ZNF728: variants seen among roughly 807,000 people sequenced by gnomAD.
ZNF728 encodes the protein zinc finger protein 728.
ZNF728 carries 12 observed loss-of-function variants against 12.5 expected under a neutral mutation model. That is an observed-to-expected ratio of 0.96 (90% CI 0.61 to 1.55). ZNF728 has a LOEUF of 1.55. Among genes scored for constraint, ZNF728 ranks in the 40% most tolerant of loss-of-function variants. The pLI is 0.00. For missense variants in ZNF728, 692 were observed against 719.2 expected (o/e 0.96, Z 0.43); for synonymous variants, 205 against 240.7 (o/e 0.85, Z 1.37).
chr19:22,982,817 A>C lies in ZNF728; in HGVS notation c.226+4491T>G, dbSNP rs541076678. Among the ~76,000 whole-genome samples, 24 of 152,312 alleles carry C rather than the reference A, an allele frequency of 1.6e-4. No individual in the cohort carries two copies. In the East Asian group the frequency reaches 4.4e-3, roughly 28 times the overall value. ...AAAAACTGGCTAGCCATACTCAGAA[A>C]ACTGAACTGGACCCCTTCCTTATAC... On this transcript the variant is annotated intron_variant, in intron 3 of 3. Transcript: ENST00000594710.
chr19:22,987,674 T>C (rs762213692), intron 2 of ZNF728, among the ~76,000 whole-genome samples: 63 of 152,184 alleles, frequency 4.1e-4, no homozygotes, highest in Non-Finnish European at 8.5e-4. Context: ...ATTTTGAAAT[T>C]ACCATTAATC....
chr19:22,990,939 A>T (rs745930500), intron 1 of ZNF728, among the ~76,000 whole-genome samples: 67 of 152,190 alleles, frequency 4.4e-4, no homozygotes, highest in Non-Finnish European at 7.6e-4. Context: ...GTAATTCTGC[A>T]GGTATGGAAA....
chr19:22,987,778 T>C (rs1234165096), intron 2 of ZNF728, among the ~76,000 whole-genome samples: 2 of 152,214 alleles, frequency 1.3e-5, no homozygotes, highest in East Asian at 3.9e-4. Flanking sequence ...AAAATCCCTA[T>C]GATTTTCTTG....
At chr19:23,000,246 C>T (rs1233546293) in intron 1 of ZNF728, among the ~76,000 whole-genome samples, 5 of 151,854 alleles carry the variant, frequency 3.3e-5, no homozygotes, top group Admixed American at 2.6e-4. Flanking sequence ...GGTGTGGTGG[C>T]GGGCGCCTGT....
At chr19:22,985,963 C>A (rs1341957088) in intron 3 of ZNF728, 1 of 180,402 alleles carries the variant, frequency 5.5e-6, no homozygotes, top group African/African-American at 2.4e-5. Flanking sequence ...ATCTACCCTA[C>A]TGAGCAAAGT....
intron 3 of ZNF728, among the ~76,000 whole-genome samples, chr19:22,980,215 A>C (rs1242713684): frequency 1.4e-5 from 2 of 145,588 alleles, no homozygotes; most frequent in East Asian, 2.0e-4. Context: ...AAAAAAAAAA[A>C]ACAGGGGTTG....
At position 22,990,523 on chromosome 19, in the gene ZNF728, C is replaced by T. The variant is rs1014360836; in HGVS notation, c.4-2072G>A. 5.9e-5 allele frequency among the ~76,000 whole-genome samples: 9 copies of T among 152,124 alleles called. No homozygotes were observed. The South Asian group carries it at 6.2e-4, about 11-fold the overall frequency. On this transcript the variant is annotated intron_variant, in intron 1 of 3. Coordinates refer to ENST00000594710, the MANE Select transcript of ZNF728 (RefSeq NM_001267716.2). ...AATATGCTTTTCTTTATTTTGTCCT[C>T]GGGAGCCATCCCCTGACACAGGCAA...
intron 1 of ZNF728, among the ~76,000 whole-genome samples, chr19:22,994,745 T>C (rs912558231): frequency 6.6e-6 from 1 of 152,214 alleles, no homozygotes; most frequent in African/African-American, 2.4e-5. Context: ...CTACAAAAAT[T>C]GTTGATTCGG....
In ZNF728 at chr19:22,975,529, T is replaced by C; in HGVS notation, c.1808A>G (p.Gln603Arg). The change falls in exon 4 of 4, where the codon CAA becomes CGA. Residue 603 changes from glutamine (Q) to arginine (R), a missense_variant. Physicochemically the swap from Gln to Arg is conservative, Grantham distance 43. This residue lies in a region of ZNF728 where 244 missense variants were observed against 235.2 expected (regional missense o/e 1.04). Coordinates refer to ENST00000594710, the MANE Select transcript of ZNF728 (RefSeq NM_001267716.2). ...CTTATGAGTAGTAAGGTGTGAGGAT[T>C]GGTTGAAGTCTTTACCACATTCTTC... The part of the protein sequence containing the change: ...KCEECGKDFN[Q>R]SSHLTTHKRI... 6.4e-7 allele frequency: 1 copy of C among 1,570,436 alleles called. No individual in the cohort carries two copies. Among genetic ancestry groups the C allele is most frequent in the African/African-American group, 1.4e-5 (1 of 73,440 alleles).
intron 1 of ZNF728, among the ~76,000 whole-genome samples, chr19:22,999,261 CTTT>C (rs971232655): frequency 1.3e-5 from 2 of 148,964 alleles, no homozygotes; most frequent in Admixed American, 6.7e-5. Context: ...CTTTGGAATT[CTTT>C]TTTTTTTATA....
intron 1 of ZNF728, among the ~76,000 whole-genome samples, chr19:22,991,693 G>T (rs984950128): frequency 3.3e-5 from 5 of 152,138 alleles, no homozygotes; most frequent in Non-Finnish European, 5.9e-5. Flanking sequence ...CAGGATTCAT[G>T]ACTCAAAACT....
In ZNF728 at chr19:22,988,528, GAA is replaced by G. The variant is rs1360269976; in HGVS notation, c.4-79_4-78del. 9 of 1,581,930 alleles carry G rather than the reference GAA, an allele frequency of 5.7e-6. No individual in the cohort carries two copies. The East Asian group carries it at 1.8e-4, about 31-fold the overall frequency. On this transcript the variant is annotated intron_variant, in intron 1 of 3. Coordinates refer to ENST00000594710, the MANE Select transcript of ZNF728 (RefSeq NM_001267716.2). ...TTTTAATTTGACTCAAGGTAAAATG[GAA>G]AGAGTAAAAAGAGCTCATTCTGACT... is the stretch of plus-strand genomic sequence containing the variant.
chr19:22,976,708 A>T lies in ZNF728; in HGVS notation c.629T>A (p.Phe210Tyr). ...ATAAGTAAGGGCTGAGGACCAGTTAAAGGCTTTGCCATGTTCTTCACTTTT... is the reference window on the plus strand; with the variant it reads ...ATAAGTAAGGGCTGAGGACCAGTTATAGGCTTTGCCATGTTCTTCACTTTT... ...SYKSEEHGKA[F>Y]NWSSALTYKR... is the part of the protein sequence containing the mutation. The change falls in exon 4 of 4, where the codon TTT (phenylalanine) becomes TAT (tyrosine). Residue 210 changes from phenylalanine (F) to tyrosine (Y), a missense_variant. Transcript: ENST00000594710. 1 of 1,613,452 alleles carries T rather than the reference A, an allele frequency of 6.2e-7. No homozygotes were observed. Among genetic ancestry groups the T allele is most frequent in the South Asian group, 1.1e-5 (1 of 91,074 alleles).
chr19:22,975,510 A>G lies in ZNF728; in HGVS notation c.1827T>C (p.Thr609=). 6.5e-7 allele frequency: 1 copy of G among 1,549,434 alleles called. No homozygotes were observed. The highest frequency in any genetic ancestry group is 1.2e-5 in the South Asian group (1 of 82,254). The change falls in exon 4 of 4, where the codon ACT becomes ACC. Residue 609 remains threonine (T), a synonymous_variant. Transcript: ENST00000594710. The stretch of plus-strand genomic sequence containing the variant: ...TTCCTCCAGTATGAATTCTCTTATG[A>G]GTAGTAAGGTGTGAGGATTGGTTGA... The part of the protein sequence containing the change: ...KDFNQSSHLT[T]HKRIHTGGKT...
intron 1 of ZNF728, among the ~76,000 whole-genome samples, chr19:22,997,725 A>AT (rs34269871): frequency 0.018 from 2,699 of 149,990 alleles, 86 homozygotes; most frequent in African/African-American, 0.062. Flanking sequence ...CATTAAATCT[A>AT]TTTAAAAAAA....
intron 1 of ZNF728, among the ~76,000 whole-genome samples, chr19:22,996,420 A>C (rs1399330280): frequency 6.6e-6 from 1 of 152,220 alleles, no homozygotes; most frequent in Non-Finnish European, 1.5e-5. Context: ...TGGCTTTTGC[A>C]GTGTAAGTAT....
chr19:22,976,022 G>T lies in ZNF728; in HGVS notation c.1315C>A (p.Leu439Ile). ...CGKAFTTFSS[L>I]TKHKVIHTGE... is the part of the protein sequence containing the mutation. The stretch of plus-strand genomic sequence containing the variant: ...GTATGAATTACTTTATGTTTAGTAA[G>T]GCTCGAAAATGTAGTAAAGGCTTTG... Residue 439 changes from leucine to isoleucine, a missense_variant, in exon 4 of 4, where the codon CTT becomes ATT. This residue lies in a region of ZNF728 where 244 missense variants were observed against 235.2 expected (regional missense o/e 1.04). Coordinates refer to ENST00000594710, the MANE Select transcript of ZNF728 (RefSeq NM_001267716.2). 6.3e-7 allele frequency: 1 copy of T among 1,590,048 alleles called. No homozygotes were observed. The highest frequency in any genetic ancestry group is 8.6e-7 in the Non-Finnish European group (1 of 1,164,868).
chr19:22,980,198 G>GAA (rs1568274736), intron 3 of ZNF728, among the ~76,000 whole-genome samples: 1 of 94,356 alleles, frequency 1.1e-5, no homozygotes, highest in Non-Finnish European at 2.1e-5. Context: ...AAAAAAAAAA[G>GAA]AAACAAAAAA....
intron 1 of ZNF728, among the ~76,000 whole-genome samples, chr19:22,993,297 TCTGGCC>T (rs1291292020): frequency 2.0e-5 from 3 of 152,250 alleles, no homozygotes; most frequent in African/African-American, 7.2e-5. Flanking sequence ...CAATCCAAAG[TCTGGCC>T]CTGCCTTGTA....
Sources: gnomAD v4.1 joint callset for allele counts (sites outside exome capture counted in the v4.1 genomes callset) on GRCh38, gnomAD v4.1.1 for gene constraint, gnomAD v4.1.1 regional missense constraint, MANE v1.5 for transcripts, NCBI Gene and HGNC (gene_info 2026-07-23, HGNC 2026-07-21) for gene names.